SHLD1: variants seen among roughly 807,000 people sequenced by gnomAD.
SHLD1 encodes RINN1-REV7-interacting novel NHEJ regulator 3.
Under a neutral mutation model 5.5 loss-of-function variants are expected in SHLD1, and 3 were observed. The ratio of observed to expected loss-of-function variants is 0.54; its 90% CI spans 0.25 to 1.40. SHLD1 has a LOEUF of 1.40. Ranked by LOEUF, SHLD1 falls within the 40% of genes most tolerant of loss-of-function variation. SHLD1 has a pLI of 0.15. For synonymous variants in SHLD1, 92 were observed against 94.3 expected (o/e 0.98, Z 0.14); for missense variants, 210 against 244.4 (o/e 0.86, Z 0.94).
chr20:5,833,284 G>T (rs2087751085), intron 2 of SHLD1, among the ~76,000 whole-genome samples: 1 of 152,030 alleles, frequency 6.6e-6, no homozygotes, highest in African/African-American at 2.4e-5. Context: ...TAGGTTGAGG[G>T]GTACACGTGC....
chr20:5,764,148 ATATTTATATT>A (rs1438787639), intron 1 of SHLD1, among the ~76,000 whole-genome samples: 103 of 54,352 alleles, frequency 1.9e-3, no homozygotes, highest in African/African-American at 6.7e-3. Flanking sequence ...AAATATATAT[ATATTTATATT>A]TATATATATA....
At chr20:5,823,432 C>CTTGTTTTTTG (rs1332154295) in intron 2 of SHLD1, among the ~76,000 whole-genome samples, 1 of 145,302 alleles carries the variant, frequency 6.9e-6, no homozygotes, top group African/African-American at 2.5e-5. Flanking sequence ...CTAGCATAGA[C>CTTGTTTTTTG]TTGTTTTTTG....
Position 5,770,535 on chromosome 20 carries a change from G to C in SHLD1, c.-4-2327G>C, listed in dbSNP as rs141483566. 3.0e-3 allele frequency among the ~76,000 whole-genome samples: 464 copies of C among 152,188 alleles called. 4 individuals carry two copies. The highest frequency in any genetic ancestry group is 9.2e-3 in the African/African-American group (384 of 41,522). ...TCAGCAAATCCTTCTCCATCAACTT[G>C]TCTTGTTGCATGGATGATTTTCCTA... On this transcript the variant is annotated intron_variant, in intron 1 of 2. Transcript: ENST00000303142.
intron 2 of SHLD1, among the ~76,000 whole-genome samples, chr20:5,809,712 G>A (rs1484564194): frequency 1.3e-5 from 2 of 152,036 alleles, no homozygotes; most frequent in Admixed American, 6.6e-5. Flanking sequence ...GGGGACATTT[G>A]GTGGAGTTTG....
intron 2 of SHLD1, among the ~76,000 whole-genome samples, chr20:5,778,412 G>A (rs1187147708): frequency 1.3e-5 from 2 of 151,392 alleles, no homozygotes; most frequent in Non-Finnish European, 2.9e-5. Context: ...AGACCAGCCT[G>A]GACAACGTAG....
At chr20:5,775,212 T>C (rs1176943475) in intron 2 of SHLD1, among the ~76,000 whole-genome samples, 1 of 152,068 alleles carries the variant, frequency 6.6e-6, no homozygotes, top group Non-Finnish European at 1.5e-5. Flanking sequence ...CTTTTTTTTT[T>C]TTAATTTTTT....
chr20:5,810,620 A>G (rs1436023513), intron 2 of SHLD1, among the ~76,000 whole-genome samples: 2 of 151,936 alleles, frequency 1.3e-5, no homozygotes, highest in African/African-American at 4.8e-5. Flanking sequence ...TAGGCCTGGC[A>G]TGATGGCTCA....
chr20:5,840,152 C>T (rs1469465391), intron 2 of SHLD1, among the ~76,000 whole-genome samples: 1 of 152,156 alleles, frequency 6.6e-6, no homozygotes, highest in Non-Finnish European at 1.5e-5. Context: ...TTCTTGCATG[C>T]TTTATTAGTC....
At chr20:5,779,200 TAA>T (rs58493291) in intron 2 of SHLD1, among the ~76,000 whole-genome samples, 10 of 125,934 alleles carry the variant, frequency 7.9e-5, no homozygotes, top group Admixed American at 1.6e-4. Flanking sequence ...AGACTCTGTC[TAA>T]AAAAAAAAAA....
At chr20:5,823,607 C>A (rs1192506447) in intron 2 of SHLD1, among the ~76,000 whole-genome samples, 1 of 151,768 alleles carries the variant, frequency 6.6e-6, no homozygotes, top group Non-Finnish European at 1.5e-5. Context: ...GCCACCACAC[C>A]CAGTTAATTT....
At chr20:5,759,242 G>T (rs1022667809) in intron 1 of SHLD1, among the ~76,000 whole-genome samples, 3 of 150,534 alleles carry the variant, frequency 2.0e-5, no homozygotes, top group African/African-American at 7.3e-5. Context: ...CATGAGCCAC[G>T]GTGCCCAGCC....
At position 5,752,148 on chromosome 20, in the gene SHLD1, C is replaced by T. The variant is rs543911659; in HGVS notation, c.-5+1669C>T. On this transcript the variant is annotated intron_variant, in intron 1 of 2. Coordinates refer to ENST00000303142, the MANE Select transcript of SHLD1 (RefSeq NM_152504.4). Reference sequence around the variant, plus strand: ...CCATGGCTCACACCTGTAATCTCAACGCTTTGTGAGGCCGTGGCAGGCAGA... The same window carrying T: ...CCATGGCTCACACCTGTAATCTCAATGCTTTGTGAGGCCGTGGCAGGCAGA... Among the ~76,000 whole-genome samples the T allele has an allele frequency of 4.1e-4, 63 of 152,218 alleles. 1 individual carries two copies. In the South Asian group the frequency reaches 9.1e-3, roughly 22 times the overall value.
At chr20:5,819,805 G>A (rs113857455) in intron 2 of SHLD1, among the ~76,000 whole-genome samples, 4,909 of 152,306 alleles carry the variant, frequency 0.032, 279 homozygotes, top group African/African-American at 0.11. Context: ...CTGAATGACA[G>A]CGTGAGACCC....
chr20:5,775,784 C>T (rs1555770354), intron 2 of SHLD1, among the ~76,000 whole-genome samples: 1 of 152,034 alleles, frequency 6.6e-6, no homozygotes, highest in Non-Finnish European at 1.5e-5. Flanking sequence ...ATAACAGCAC[C>T]TCCTTGTTGG....
intron 1 of SHLD1, among the ~76,000 whole-genome samples, chr20:5,761,244 T>C (rs1489809286): frequency 6.6e-6 from 1 of 151,794 alleles, no homozygotes; most frequent in Admixed American, 6.6e-5. Flanking sequence ...CATCACACAC[T>C]GGGGCCTGTC....
intron 2 of SHLD1, among the ~76,000 whole-genome samples, chr20:5,824,453 A>C (rs1355021681): frequency 6.6e-6 from 1 of 152,220 alleles, no homozygotes; most frequent in African/African-American, 2.4e-5. Flanking sequence ...CACCACTGGA[A>C]TATAAGCTCC....
At chr20:5,783,016 A>G (rs1022241353) in intron 2 of SHLD1, among the ~76,000 whole-genome samples, 1 of 152,230 alleles carries the variant, frequency 6.6e-6, no homozygotes, top group African/African-American at 2.4e-5. Flanking sequence ...ATACCCAGTC[A>G]CTAGACCAAA....
In SHLD1 at chr20:5,855,884, C is replaced by T. The variant is rs142054496; in HGVS notation, c.179-7140C>T. On this transcript the variant is annotated intron_variant, in intron 2 of 2. Coordinates refer to ENST00000303142, the MANE Select transcript of SHLD1 (RefSeq NM_152504.4). The surrounding 1 kb of genome is among the most constrained non-coding windows in gnomAD (Gnocchi z 4.4). ...AATCAGGCTTGGCCATATGACTTCA[C>T]GTTAGCCAGTGAAATATGAACAGAA... Among the ~76,000 whole-genome samples the T allele has an allele frequency of 4.6e-4, 70 of 152,262 alleles. No homozygotes were observed. In the East Asian group the frequency reaches 5.2e-3, roughly 11 times the overall value.
chr20:5,788,941 G>T (rs1443223513), intron 2 of SHLD1, among the ~76,000 whole-genome samples: 2 of 151,772 alleles, frequency 1.3e-5, no homozygotes, highest in African/African-American at 4.8e-5. Flanking sequence ...AGACCAGATT[G>T]GCCACCATGG....
Sources: gnomAD v4.1 joint callset for allele counts (sites outside exome capture counted in the v4.1 genomes callset) on GRCh38, gnomAD v4.1.1 for gene constraint, Gnocchi (gnomAD v3.1) non-coding constraint, MANE v1.5 for transcripts, NCBI Gene and HGNC (gene_info 2026-07-23, HGNC 2026-07-21) for gene names.